LMO2: variants seen among roughly 807,000 people sequenced by gnomAD.
LMO2 encodes the protein rhombotin-2.
LMO2 carries 20 observed loss-of-function variants against 23.2 expected under a neutral mutation model. The observed-to-expected ratio is 0.86, with a 90% CI of 0.61 to 1.25. The LOEUF is 1.25. Ranked by LOEUF, LMO2 falls within the 50% of genes most tolerant of loss-of-function variation. The pLI is 0.00. For synonymous variants in LMO2, 123 were observed against 130.2 expected, an observed-to-expected ratio of 0.94 and a Z score of 0.38; for missense variants, 270 against 315.3, an observed-to-expected ratio of 0.86 and a Z score of 1.09.
rs200358423 is a variant in LMO2, at chr11:33,864,769, G to A, written c.297C>T (p.Cys99=). The A allele has an allele frequency of 3.0e-5, 49 of 1,613,914 alleles. No individual in the cohort carries two copies. The highest frequency in any genetic ancestry group is 4.4e-5 in the South Asian group (4 of 91,082). The change falls in exon 5 of 6, where the codon TGC becomes TGT. Residue 99 remains cysteine, a synonymous_variant. Coordinates refer to ENST00000257818, the MANE Select transcript of LMO2 (RefSeq NM_005574.4). The surrounding 1 kb of genome is among the most constrained non-coding windows in gnomAD (Gnocchi z 4.8). ...VLQIPPSLLT[C]GGCQQNIGDR... is the part of the protein sequence containing the mutation. ...CCCCAATGTTCTGCTGGCAGCCGCC[G>A]CATGTCAGCAGGGATGGGGGGATCT...
intron 5 of LMO2, 120 bp from the exon 6 acceptor site, chr11:33,859,695 G>A (rs1856498394): frequency 1.2e-6 from 1 of 843,642 alleles, no homozygotes. Flanking sequence ...GCCAGGGAAG[G>A]TCGGCTCCAG....
Position 33,864,902 on chromosome 11 carries a change from G to A in LMO2, c.249-85C>T. 8.3e-7 allele frequency: 1 copy of A among 1,206,426 alleles called. No homozygotes were observed. The highest frequency in any genetic ancestry group is 1.2e-6 in the Non-Finnish European group (1 of 823,456). The allele number at this position is 1,206,426 out of a possible 1,614,324, so 74.7% of individuals were successfully genotyped here. A position where few individuals can be genotyped will look rare whatever the true frequency, so the allele number is the denominator to read the frequency against. ...CCGAGATCGTTTTGGGCCAGACAGG[G>A]CATCTCACCTGACTGCCTTTCAGTG... On this transcript the variant is annotated intron_variant, in intron 4 of 5. Transcript: ENST00000257818. This position sits in a 1 kb window ranked among gnomAD's most constrained non-coding sequence, Gnocchi z 4.8.
Position 33,880,962 on chromosome 11 carries a change from G to T in LMO2, c.-272+862C>A. The T allele has an allele frequency of 2.9e-6, 1 of 344,236 alleles. No individual in the cohort carries two copies. Among genetic ancestry groups the T allele is most frequent in the South Asian group, 2.2e-5 (1 of 44,608 alleles). The allele number at this position is 344,236 out of a possible 1,614,324, so 21.3% of individuals were successfully genotyped here. On this transcript the variant is annotated intron_variant, in intron 2 of 5. Transcript: ENST00000257818. This position sits in a 1 kb window ranked among gnomAD's most constrained non-coding sequence, Gnocchi z 4.3. ...TAAACTTCTTTGCAGAAGCCCATTT[G>T]ACTCCAAGGACAGAAAAAAAGAGTG...
At position 33,870,634 on chromosome 11, in the gene LMO2, G is replaced by A. The variant is rs561457466; in HGVS notation, c.-271-647C>T. The A allele has an allele frequency of 4.4e-3, 4,113 of 941,218 alleles. 9 individuals are homozygous for A. The highest frequency in any genetic ancestry group is 5.0e-3 in the Non-Finnish European group (3,914 of 789,610). The allele number at this position is 941,218 out of a possible 1,614,324, so 58.3% of individuals were successfully genotyped here. A position where few individuals can be genotyped will look rare whatever the true frequency, so the allele number is the denominator to read the frequency against. ...GGCTGGGAGGGACCACGCGGGGCCG[G>A]GGCTCCTCTCAGTCGGCTGGTGGCG... On this transcript the variant is annotated intron_variant, in intron 2 of 5. Transcript: ENST00000257818.
At chr11:33,868,273 A>G (rs1856859288) in intron 4 of LMO2, among the ~76,000 whole-genome samples, 1 of 152,242 alleles carries the variant, frequency 6.6e-6, no homozygotes, top group Non-Finnish European at 1.5e-5. Flanking sequence ...TGTGTGCGGT[A>G]TTTCAAGCAG....
At position 33,881,701 on chromosome 11, in the gene LMO2, C is replaced by G. The variant is rs994664839; in HGVS notation, c.-272+123G>C. On this transcript the variant is annotated intron_variant, in intron 2 of 5. Coordinates refer to ENST00000257818, the MANE Select transcript of LMO2 (RefSeq NM_005574.4). ...TGCAGTCTGGCTTCCCCAAAGACCT[C>G]AAGCTCATTCTGCCCAGGATTAAAT... The G allele has an allele frequency of 3.3e-5, 10 of 304,904 alleles. No homozygotes were observed. In the Admixed American group the frequency reaches 3.8e-4, roughly 12 times the overall value. The allele number at this position is 304,904 out of a possible 1,614,324, so 18.9% of individuals were successfully genotyped here.
intron 1 of LMO2, among the ~76,000 whole-genome samples, chr11:33,885,088 G>T (rs1344408096): frequency 6.6e-6 from 1 of 152,140 alleles, no homozygotes; most frequent in Non-Finnish European, 1.5e-5. Flanking sequence ...TGACCAGCAG[G>T]GTTAAATTGC....
intron 4 of LMO2, chr11:33,865,086 C>T (rs1856733900): frequency 1.9e-6 from 1 of 517,830 alleles, no homozygotes; most frequent in South Asian, 2.0e-5. Flanking sequence ...GCAGGTGGCA[C>T]TGTGCCCCTG....
intron 1 of LMO2, among the ~76,000 whole-genome samples, chr11:33,883,757 G>A (rs1014044576): frequency 1.3e-5 from 2 of 152,306 alleles, no homozygotes; most frequent in Middle Eastern, 3.4e-3. Context: ...AGTAAGTATT[G>A]TAATCATAAT....
chr11:33,864,993 G>A lies in LMO2; in HGVS notation c.249-176C>T. ...GACTGCAGAGTCCCAACCAACCTTGGGTTAAGACGGGAAAGAGCCAGACCT... is the reference window on the plus strand; with the variant it reads ...GACTGCAGAGTCCCAACCAACCTTGAGTTAAGACGGGAAAGAGCCAGACCT... On this transcript the variant is annotated intron_variant, in intron 4 of 5. Coordinates refer to ENST00000257818, the MANE Select transcript of LMO2 (RefSeq NM_005574.4). This position sits in a 1 kb window ranked among gnomAD's most constrained non-coding sequence, Gnocchi z 4.8. 2 of 656,960 alleles carry A rather than the reference G, an allele frequency of 3.0e-6. No individual in the cohort carries two copies. Among genetic ancestry groups the A allele is most frequent in the Non-Finnish European group, 5.5e-6 (2 of 362,092 alleles). The allele number at this position is 656,960 out of a possible 1,614,324, so 40.7% of individuals were successfully genotyped here.
Position 33,872,299 on chromosome 11 carries a change from TAAAC to T in LMO2, c.-271-2316_-271-2313del, listed in dbSNP as rs893071604. Among the ~76,000 whole-genome samples, 46 of 151,854 alleles carry T rather than the reference TAAAC, an allele frequency of 3.0e-4. 1 individual carries two copies. Among genetic ancestry groups the T allele is most frequent in the South Asian group, 2.1e-4 (1 of 4,812 alleles). ...GAGTGAGACTCCGTCTCAAAATAAA[TAAAC>T]AAACAAACAAATAAACTCCCAGTAT... On this transcript the variant is annotated intron_variant, in intron 2 of 5. Coordinates refer to ENST00000257818, the MANE Select transcript of LMO2 (RefSeq NM_005574.4).
chr11:33,888,958 G>A (rs77002738), intron 1 of LMO2, among the ~76,000 whole-genome samples: 1 of 152,344 alleles, frequency 6.6e-6, no homozygotes, highest in African/African-American at 2.4e-5. Context: ...AGGCAGGACA[G>A]CTAGTAGTCG....
chr11:33,863,404 G>GT (rs1320084500), intron 5 of LMO2, among the ~76,000 whole-genome samples: 2 of 152,142 alleles, frequency 1.3e-5, no homozygotes, highest in African/African-American at 4.8e-5. Flanking sequence ...ACTGCCTGCA[G>GT]TTTTTTTGGT....
chr11:33,886,702 G>T (rs911816), intron 1 of LMO2, among the ~76,000 whole-genome samples: 15 of 152,312 alleles, frequency 9.8e-5, no homozygotes, highest in African/African-American at 3.1e-4. Context: ...TTTGGCATCC[G>T]TGGTGGGGAA....
chr11:33,879,714 C>CA (rs1017071365), intron 2 of LMO2, among the ~76,000 whole-genome samples: 4 of 151,908 alleles, frequency 2.6e-5, no homozygotes, highest in Non-Finnish European at 4.4e-5. Context: ...TCCATTTCTC[C>CA]AAAAAAGACA....
At chr11:33,882,641 AATAG>A (rs1394934032) in intron 1 of LMO2, among the ~76,000 whole-genome samples, 1 of 152,252 alleles carries the variant, frequency 6.6e-6, no homozygotes, top group African/African-American at 2.4e-5. Flanking sequence ...TACGGTTATA[AATAG>A]ATAGACCTAA....
At chr11:33,867,390 A>G (rs916472978) in intron 4 of LMO2, among the ~76,000 whole-genome samples, 1 of 152,230 alleles carries the variant, frequency 6.6e-6, no homozygotes, top group African/African-American at 2.4e-5. Context: ...ATGGAGAAGT[A>G]AAGTATAAGA....
At position 33,864,283 on chromosome 11, in the gene LMO2, C is replaced by T. The variant is rs1187990298; in HGVS notation, c.464+319G>A. Among the ~76,000 whole-genome samples the T allele has an allele frequency of 6.6e-6, 1 of 152,172 alleles. No homozygotes were observed. Among genetic ancestry groups the T allele is most frequent in the Admixed American group, 6.6e-5 (1 of 15,226 alleles). On this transcript the variant is annotated intron_variant, in intron 5 of 5. Transcript: ENST00000257818. The surrounding 1 kb of genome is among the most constrained non-coding windows in gnomAD (Gnocchi z 4.8). ...CCTCTGATCCTCCGTGTGTACTCCT[C>T]CTCAATCCCATCCCCTAGCTTCTCC...
chr11:33,873,847 C>A (rs1196839868), intron 2 of LMO2, among the ~76,000 whole-genome samples: 3 of 152,176 alleles, frequency 2.0e-5, no homozygotes, highest in Non-Finnish European at 4.4e-5. Flanking sequence ...ATTACATTTA[C>A]AATTGTTTTC....
Sources: allele counts gnomAD v4.1 joint callset (sites outside exome capture counted in the v4.1 genomes callset), GRCh38; gene constraint gnomAD v4.1.1; non-coding constraint Gnocchi (gnomAD v3.1); transcripts MANE v1.5; gene names NCBI Gene and HGNC (gene_info 2026-07-23, HGNC 2026-07-21).